The following FAM13A variants were observed in gnomAD, a reference collection of about 807,000 sequenced individuals.
FAM13A encodes family with sequence similarity 13 member A, also known as protein FAM13A.
FAM13A carries 76 observed loss-of-function variants against 129.6 expected under a neutral mutation model. The ratio of observed to expected loss-of-function variants is 0.59; its 90% CI spans 0.49 to 0.71. The LOEUF is 0.71. Ranked by LOEUF, FAM13A falls within the 30% of genes least tolerant of loss-of-function variation. The pLI is 0.00. For synonymous variants in FAM13A, 443 were observed against 449.9 expected (o/e 0.98, Z 0.20); for missense variants, 1,108 against 1,249.3 (o/e 0.89, Z 1.70).
intron 5 of FAM13A, among the ~76,000 whole-genome samples, chr4:88,923,582 C>A (rs528814761): frequency 6.6e-6 from 1 of 152,168 alleles, no homozygotes; most frequent in African/African-American, 2.4e-5. Flanking sequence ...TATGACAAAC[C>A]CACAGCCAAT....
At chr4:88,842,421 C>A (rs1175631720) in intron 7 of FAM13A, among the ~76,000 whole-genome samples, 1 of 152,228 alleles carries the variant, frequency 6.6e-6, no homozygotes, top group Non-Finnish European at 1.5e-5. Context: ...TTTTAAAGAC[C>A]TTTGAAGACC....
At chr4:89,022,529 C>T (rs559360261) in intron 2 of FAM13A, among the ~76,000 whole-genome samples, 2 of 152,234 alleles carry the variant, frequency 1.3e-5, no homozygotes, top group African/African-American at 4.8e-5. Flanking sequence ...CAGGGCACCA[C>T]CTAAATGGAA....
intron 7 of FAM13A, among the ~76,000 whole-genome samples, chr4:88,838,485 C>A (rs1034160143): frequency 6.6e-6 from 1 of 152,110 alleles, no homozygotes; most frequent in African/African-American, 2.4e-5. Context: ...TGCCTGTAAT[C>A]CCAGCACTTT....
chr4:88,873,874 G>C (rs1264613740), intron 6 of FAM13A, among the ~76,000 whole-genome samples: 2 of 152,072 alleles, frequency 1.3e-5, no homozygotes, highest in Non-Finnish European at 2.9e-5. Flanking sequence ...GATGAACATT[G>C]ATGCAAAAAT....
chr4:88,920,274 C>T (rs1177600542), intron 5 of FAM13A, among the ~76,000 whole-genome samples: 2 of 152,200 alleles, frequency 1.3e-5, no homozygotes, highest in African/African-American at 2.4e-5. Flanking sequence ...CCCTGACCCC[C>T]GAGCAGCCTA....
intron 5 of FAM13A, among the ~76,000 whole-genome samples, chr4:88,907,279 G>T (rs527938654): frequency 6.6e-6 from 1 of 152,286 alleles, no homozygotes; most frequent in South Asian, 2.1e-4. Context: ...GAGAAAGTCA[G>T]TCAGATTTTT....
chr4:88,922,991 C>G (rs1329784711), intron 5 of FAM13A, among the ~76,000 whole-genome samples: 1 of 152,192 alleles, frequency 6.6e-6, no homozygotes, highest in East Asian at 1.9e-4. Flanking sequence ...CATCCCAAGA[C>G]TAAACCAGGA....
chr4:88,768,249 T>C, intron 11 of FAM13A, 190 bp from the exon 12 acceptor site: 1 of 450,086 alleles, frequency 2.2e-6, no homozygotes, highest in Non-Finnish European at 4.0e-6. Context: ...TAGAATTGTG[T>C]ATTGAACTTC....
chr4:88,834,333 AATC>A (rs1318457237), intron 7 of FAM13A, among the ~76,000 whole-genome samples: 1 of 152,138 alleles, frequency 6.6e-6, no homozygotes, highest in African/African-American at 2.4e-5. Flanking sequence ...TGAAACCAAA[AATC>A]TTTTTTTCCT....
chr4:89,057,167 G>A lies in FAM13A; in HGVS notation c.-203C>T. 7.0e-7 allele frequency: 1 copy of A among 1,419,194 alleles called. No homozygotes were observed. Among genetic ancestry groups the A allele is most frequent in the Non-Finnish European group, 9.2e-7 (1 of 1,088,150 alleles). The allele number at this position is 1,419,194 out of a possible 1,614,324, so 87.9% of individuals were successfully genotyped here. On this transcript the variant is annotated 5_prime_UTR_variant, in exon 1 of 24. Coordinates refer to ENST00000264344, the MANE Select transcript of FAM13A (RefSeq NM_014883.4). ...CTCTTTCCGCTGAACCCACATGGCT[G>A]GAAGGACTGCCTGGAGTTGAAATTT...
At chr4:88,818,863 A>G (rs1419456874) in intron 7 of FAM13A, among the ~76,000 whole-genome samples, 1 of 152,198 alleles carries the variant, frequency 6.6e-6, no homozygotes, top group East Asian at 1.9e-4. Flanking sequence ...GCTCTCTAAC[A>G]CCACACAGAA....
chr4:88,992,936 A>G (rs1189133009), intron 3 of FAM13A, among the ~76,000 whole-genome samples: 1 of 152,224 alleles, frequency 6.6e-6, no homozygotes, highest in Non-Finnish European at 1.5e-5. Flanking sequence ...GAACAGAAAA[A>G]TGAGGGAAAT....
chr4:89,024,126 T>A (rs893866580), intron 2 of FAM13A, among the ~76,000 whole-genome samples: 1 of 152,252 alleles, frequency 6.6e-6, no homozygotes, highest in African/African-American at 2.4e-5. Flanking sequence ...ACTGAAATAT[T>A]TCTTTCAAAA....
intron 4 of FAM13A, among the ~76,000 whole-genome samples, chr4:88,946,003 T>TGTGTAC (rs1395827572): frequency 1.2e-5 from 1 of 82,820 alleles, no homozygotes; most frequent in Admixed American, 1.3e-4. Context: ...TATATATATA[T>TGTGTAC]ATATATATAT....
chr4:88,739,071 C>T lies in FAM13A; in HGVS notation c.2521G>A (p.Val841Ile). The T allele has an allele frequency of 1.9e-6, 3 of 1,613,940 alleles. No individual in the cohort carries two copies. The highest frequency in any genetic ancestry group is 2.5e-6 in the Non-Finnish European group (3 of 1,179,896). ...TTAGCTCGGGAGAGGATCTGTTTGACCAGCCGGTACCTGTCGTATAGTGGC... is the reference window on the plus strand; with the variant it reads ...TTAGCTCGGGAGAGGATCTGTTTGATCAGCCGGTACCTGTCGTATAGTGGC... ...MKPLYDRYRL[V>I]KQILSRANTI... Residue 841 changes from valine (V) to isoleucine (I), a missense_variant, in exon 20 of 24, where the codon GTC (valine) becomes ATC (isoleucine). Around this residue, in one of 3 missense-constraint regions of FAM13A, gnomAD observed 529 missense variants for 621.2 expected, o/e 0.85. Coordinates refer to ENST00000264344, the MANE Select transcript of FAM13A (RefSeq NM_014883.4).
At chr4:88,871,326 G>A (rs754904759) in intron 6 of FAM13A, among the ~76,000 whole-genome samples, 4 of 152,166 alleles carry the variant, frequency 2.6e-5, no homozygotes, top group Non-Finnish European at 5.9e-5. Flanking sequence ...GCTTCAGAAG[G>A]TCAGTAATAA....
At chr4:88,952,695 C>T (rs1215137897) in intron 4 of FAM13A, among the ~76,000 whole-genome samples, 1 of 152,194 alleles carries the variant, frequency 6.6e-6, no homozygotes, top group East Asian at 1.9e-4. Flanking sequence ...CGCCTGTAAT[C>T]CCAGCACTTT....
intron 8 of FAM13A, among the ~76,000 whole-genome samples, chr4:88,791,322 T>C (rs1156440395): frequency 1.3e-5 from 2 of 152,140 alleles, no homozygotes; most frequent in Non-Finnish European, 2.9e-5. Flanking sequence ...TTTAAAAGTA[T>C]TGAGAAGTGG....
At chr4:88,774,219 TCCTTTA>T (rs1721242516) in intron 11 of FAM13A, among the ~76,000 whole-genome samples, 1 of 152,202 alleles carries the variant, frequency 6.6e-6, no homozygotes, top group South Asian at 2.1e-4. Flanking sequence ...ACGATATCGA[TCCTTTA>T]CCTCTTACCA....
Sources: gnomAD v4.1 joint callset for allele counts (sites outside exome capture counted in the v4.1 genomes callset) on GRCh38, gnomAD v4.1.1 for gene constraint, gnomAD v4.1.1 regional missense constraint, MANE v1.5 for transcripts, NCBI Gene and HGNC (gene_info 2026-07-23, HGNC 2026-07-21) for gene names.